VWF: variants seen among roughly 807,000 people sequenced by gnomAD.
VWF encodes the protein von Willebrand factor, also known as Factor VIII related antigen.
Under a neutral mutation model 308.6 loss-of-function variants are expected in VWF, and 176 were observed. The observed-to-expected ratio is 0.57, with a 90% confidence interval of 0.50 to 0.65. The LOEUF (loss-of-function observed/expected upper bound fraction) is 0.65, where lower values mean the gene tolerates loss of function less well. Ranked by LOEUF, VWF falls within the 30% of genes least tolerant of loss-of-function variation. The probability of loss-of-function intolerance (pLI) is 0.00; values close to 1 mark genes in which losing one functional copy is unlikely to be tolerated. For missense variants in VWF, 3,146 were observed against 3,648.2 expected (o/e 0.86, Z 3.55); for synonymous variants, 1,385 against 1,443.4 (o/e 0.96, Z 0.92).
intron 38 of VWF, among the ~76,000 whole-genome samples, chr12:5,987,352 C>T (rs1040531585): frequency 1.3e-5 from 2 of 152,188 alleles, no homozygotes; most frequent in Non-Finnish European, 2.9e-5. Context: ...AATAACACTA[C>T]CAGATAAGTA....
Position 6,057,059 on chromosome 12 carries a change from C to T in VWF, c.1743G>A (p.Glu581=), listed in dbSNP as rs749787965. ...ALNPRMTRFS[E]EACAVLTSPT... Reference sequence around the variant, plus strand: ...GGGACGTCAGGACCGCGCACGCCTCCTCGGAGAACCTGGCTGTGGGGCGAG... The same window carrying T: ...GGGACGTCAGGACCGCGCACGCCTCTTCGGAGAACCTGGCTGTGGGGCGAG... Residue 581 remains glutamate, a synonymous_variant, in exon 15 of 52, where the codon GAG becomes GAA. Coordinates refer to ENST00000261405, the MANE Select transcript of VWF (RefSeq NM_000552.5). 2.6e-6 allele frequency: 4 copies of T among 1,541,320 alleles called. No homozygotes were observed. The East Asian group carries it at 7.2e-5, about 28-fold the overall frequency.
intron 17 of VWF, among the ~76,000 whole-genome samples, chr12:6,045,139 G>A (rs994801116): frequency 1.4e-4 from 22 of 152,168 alleles, no homozygotes; most frequent in Admixed American, 1.1e-3. Flanking sequence ...TCTACTTTGC[G>A]CATTGACATA....
At chr12:6,064,974 G>T (rs1024184911) in intron 11 of VWF, among the ~76,000 whole-genome samples, 163 bp downstream of exon 11, 1 of 152,222 alleles carries the variant, frequency 6.6e-6, no homozygotes, top group African/African-American at 2.4e-5. Flanking sequence ...GAGGGGATGG[G>T]CTGGGTTTCT....
chr12:6,105,718 A>G (rs887452930), intron 5 of VWF, among the ~76,000 whole-genome samples: 1 of 152,192 alleles, frequency 6.6e-6, no homozygotes. Flanking sequence ...GAAATCATCC[A>G]GGAATTCTGC....
intron 16 of VWF, among the ~76,000 whole-genome samples, chr12:6,049,701 G>A (rs1293814994): frequency 6.6e-6 from 1 of 152,246 alleles, no homozygotes; most frequent in African/African-American, 2.4e-5. Flanking sequence ...CTGCCCAACA[G>A]TGTTGTTTTA....
At chr12:5,973,448 T>G (rs1225043926) in intron 43 of VWF, among the ~76,000 whole-genome samples, 1 of 152,202 alleles carries the variant, frequency 6.6e-6, no homozygotes, top group Non-Finnish European at 1.5e-5. Flanking sequence ...ATAACTGAAA[T>G]GGAGGTGGTA....
Position 5,949,044 on chromosome 12 carries a change from T to C in VWF, c.8413A>G (p.Lys2805Glu). The C allele has an allele frequency of 6.2e-7, 1 of 1,613,944 alleles. No individual in the cohort carries two copies. The highest frequency in any genetic ancestry group is 1.1e-5 in the South Asian group (1 of 91,014). The change falls in exon 52 of 52, where the codon AAA becomes GAA. Residue 2805 changes from lysine (K) to glutamate (E), a missense_variant. Around this residue, in one of 3 missense-constraint regions of VWF, gnomAD observed 989 missense variants for 1,117.4 expected, o/e 0.89. Coordinates refer to ENST00000261405, the MANE Select transcript of VWF (RefSeq NM_000552.5). ...TTGCTGCACTTCCTGGGGGAGCATT[T>C]GCACTCCATGGCATTGAGAACCTCA... Reference protein sequence around the residue: ...YHEVLNAMECKCSPRKCSK With the variant: ...YHEVLNAMECECSPRKCSK
rs897556774 is a variant in VWF at position 6,075,708 on chromosome 12, C to T, written c.658-157G>A. ...GCATGTGTTCAATGCACCAGCCCAT[C>T]GACCAAGGAAAAGATGCTGGACCCG... On this transcript the variant is annotated intron_variant, in intron 6 of 51. Transcript: ENST00000261405. The surrounding 1 kb of genome is among the most constrained non-coding windows in gnomAD (Gnocchi z 4.7). Among the ~76,000 whole-genome samples, 1 of 152,240 alleles carries T rather than the reference C, an allele frequency of 6.6e-6. No homozygotes were observed. Among genetic ancestry groups the T allele is most frequent in the Non-Finnish European group, 1.5e-5 (1 of 68,036 alleles).
chr12:6,081,924 A>C (rs1284860811), intron 6 of VWF, among the ~76,000 whole-genome samples: 2 of 152,026 alleles, frequency 1.3e-5, no homozygotes, highest in African/African-American at 4.8e-5. Context: ...TTTCCCCTAA[A>C]TTATTTTTTG....
intron 42 of VWF, among the ~76,000 whole-genome samples, 163 bp from the exon 43 acceptor site, chr12:5,976,423 C>T (rs11063966): frequency 2.6e-5 from 4 of 152,276 alleles, no homozygotes; most frequent in Admixed American, 6.5e-5. Flanking sequence ...AAGCAGATTT[C>T]GTCCTCCTCC....
At chr12:6,102,600 T>C (rs535607576) in intron 5 of VWF, among the ~76,000 whole-genome samples, 6 of 151,870 alleles carry the variant, frequency 4.0e-5, no homozygotes, top group African/African-American at 1.2e-4. Flanking sequence ...CCAGGCGTGG[T>C]GGCAGGCGCC....
chr12:6,023,887 A>AG lies in VWF; in HGVS notation c.3223-101dup, dbSNP rs869291915. 4.4e-6 allele frequency: 6 copies of AG among 1,361,922 alleles called. No homozygotes were observed. The South Asian group carries it at 5.0e-5, about 11-fold the overall frequency. 84.4% of individuals were successfully genotyped at this position (1,361,922 alleles called of 1,614,324 possible). ...TGTTCTGATGGTCAATTTAAGGATA[A>AG]GGGGGTCCAGGTAGAAGGAGAAATG... On this transcript the variant is annotated intron_variant, in intron 24 of 51. Transcript: ENST00000261405.
intron 6 of VWF, among the ~76,000 whole-genome samples, chr12:6,079,121 C>T (rs1160351866): frequency 5.3e-5 from 8 of 152,226 alleles, no homozygotes; most frequent in African/African-American, 1.9e-4. Flanking sequence ...TTCCTCTGGT[C>T]AGGCTTGGCC....
intron 47 of VWF, among the ~76,000 whole-genome samples, chr12:5,958,253 T>C (rs78663916): frequency 0.018 from 2,815 of 152,288 alleles, 53 homozygotes; most frequent in African/African-American, 0.052. Context: ...TAAATGGAGA[T>C]TGTCACCTTT....
chr12:6,073,583 G>T lies in VWF; in HGVS notation c.997+36C>A, dbSNP rs570022557. On this transcript the variant is annotated intron_variant, in intron 8 of 51. Coordinates refer to ENST00000261405, the MANE Select transcript of VWF (RefSeq NM_000552.5). ...TCCCAAAGCCAAGGGTGCTGGCAAG[G>T]TCTCTGATCTGTAAATAAAGTGGGA... The T allele has an allele frequency of 4.1e-4, 662 of 1,613,472 alleles. 9 individuals carry two copies. In the South Asian group the frequency reaches 4.9e-3, roughly 12 times the overall value.
At chr12:5,956,025 A>G (rs1943246036) in intron 47 of VWF, among the ~76,000 whole-genome samples, 1 of 152,198 alleles carries the variant, frequency 6.6e-6, no homozygotes, top group South Asian at 2.1e-4. Context: ...TGGGCCAAAA[A>G]ACAATGTTTC....
intron 16 of VWF, 147 bp downstream of exon 16, chr12:6,052,396 G>A (rs1370121836): frequency 2.8e-5 from 35 of 1,250,766 alleles, no homozygotes; most frequent in East Asian, 9.3e-5. Flanking sequence ...TCCCAGCTCC[G>A]CTTCTGACTT....
chr12:6,003,659 CAGAA>C (rs2136395385), intron 34 of VWF, among the ~76,000 whole-genome samples: 1 of 152,106 alleles, frequency 6.6e-6, no homozygotes, highest in Admixed American at 6.5e-5. Context: ...TTCAGAGAGA[CAGAA>C]AGCAAAATGG....
At chr12:6,067,604 T>C (rs1303492373) in intron 10 of VWF, among the ~76,000 whole-genome samples, 1 of 152,028 alleles carries the variant, frequency 6.6e-6, no homozygotes, top group Non-Finnish European at 1.5e-5. Context: ...GGAAAATGGG[T>C]GGGTGAGCTG....
Sources: gnomAD v4.1 joint callset for allele counts (sites outside exome capture counted in the v4.1 genomes callset) on GRCh38, gnomAD v4.1.1 for gene constraint, gnomAD v4.1.1 regional missense constraint, Gnocchi (gnomAD v3.1) non-coding constraint, MANE v1.5 for transcripts, NCBI Gene and HGNC (gene_info 2026-07-23, HGNC 2026-07-21) for gene names.